DYM: variants seen among roughly 807,000 people sequenced by gnomAD.
The protein encoded by DYM is dymeclin.
A neutral mutation model predicts 93.1 loss-of-function variants in DYM; 78 were observed. The observed-to-expected ratio is 0.84, with a 90% CI of 0.70 to 1.01. The LOEUF is 1.01. Ranked by LOEUF, DYM falls within the 50% of genes least tolerant of loss-of-function variation. DYM has a pLI of 0.00. For missense variants in DYM, 789 were observed against 845.0 expected, an observed-to-expected ratio of 0.93 and a Z score of 0.82; for synonymous variants, 321 against 319.7, an observed-to-expected ratio of 1.00 and a Z score of -0.04.
intron 3 of DYM, among the ~76,000 whole-genome samples, chr18:49,388,143 A>T (rs1007057328): frequency 1.4e-4 from 22 of 152,038 alleles, no homozygotes; most frequent in Non-Finnish European, 2.8e-4. Context: ...AGTTCAACAT[A>T]ACATGGCAAG....
At chr18:49,432,099 G>A (rs1372519986) in intron 1 of DYM, among the ~76,000 whole-genome samples, 1 of 152,072 alleles carries the variant, frequency 6.6e-6, no homozygotes, top group Admixed American at 6.6e-5. Flanking sequence ...AAGGCCGGGC[G>A]CTGTGGCTCA....
At chr18:49,364,162 G>A (rs2066297863) in intron 5 of DYM, among the ~76,000 whole-genome samples, 1 of 152,012 alleles carries the variant, frequency 6.6e-6, no homozygotes, top group South Asian at 2.1e-4. Flanking sequence ...ACTCACTCCT[G>A]GGCTGGGTGT....
In DYM at chr18:49,333,796, G is replaced by T. The variant is rs374489890; in HGVS notation, c.552C>A (p.Ser184=). Residue 184 remains serine, a synonymous_variant, in exon 7 of 18, where the codon TCC becomes TCA. Coordinates refer to ENST00000675505, the MANE Select transcript of DYM (RefSeq NM_001353214.3). The stretch of plus-strand genomic sequence containing the variant: ...AAACTTCTTTGTGGAAGAGTTGGCA[G>T]GAAAGGAAAACAACCATTGTTGATA... ...EAISTMVVFL[S]CQLFHKEVLR... The T allele has an allele frequency of 2.2e-5, 36 of 1,613,606 alleles. No individual in the cohort carries two copies. The highest frequency in any genetic ancestry group is 3.3e-4 in the Middle Eastern group (2 of 6,078).
At chr18:49,076,943 A>G (rs1247733820) in intron 17 of DYM, among the ~76,000 whole-genome samples, 6 of 152,156 alleles carry the variant, frequency 3.9e-5, no homozygotes, top group Admixed American at 2.6e-4. Flanking sequence ...CGCTCTAACC[A>G]TAAATTAGCT....
rs191253951 is a variant in DYM, at chr18:49,100,604, C to T, written c.1912-3089G>A. Among the ~76,000 whole-genome samples, 16 of 152,228 alleles carry T rather than the reference C, an allele frequency of 1.1e-4. No homozygotes were observed. In the East Asian group the frequency reaches 2.9e-3, roughly 28 times the overall value. ...ATTCTCATGTTTTTGCATTCAAACT[C>T]ACATGATTTTAGAAAATGATAAAAC... On this transcript the variant is annotated intron_variant, in intron 16 of 17. Coordinates refer to ENST00000675505, the MANE Select transcript of DYM (RefSeq NM_001353214.3).
At chr18:49,420,660 C>T (rs956707765) in intron 2 of DYM, among the ~76,000 whole-genome samples, 2 of 152,086 alleles carry the variant, frequency 1.3e-5, no homozygotes, top group African/African-American at 2.4e-5. Flanking sequence ...TGGGGCTTGT[C>T]AGACAGTGGG....
intron 5 of DYM, among the ~76,000 whole-genome samples, chr18:49,370,860 TA>T (rs1177244019): frequency 2.0e-4 from 30 of 152,202 alleles, no homozygotes; most frequent in Non-Finnish European, 7.3e-5. Context: ...TTGGCTAAAA[TA>T]ACACTTTTTA....
chr18:49,307,548 G>A (rs181811221), intron 8 of DYM, among the ~76,000 whole-genome samples: 1 of 152,230 alleles, frequency 6.6e-6, no homozygotes, highest in Admixed American at 6.5e-5. Flanking sequence ...TGTGCATGTG[G>A]TCAGCTAAAA....
intron 9 of DYM, among the ~76,000 whole-genome samples, chr18:49,282,571 C>T (rs541948717): frequency 1.1e-3 from 172 of 152,288 alleles, no homozygotes; most frequent in African/African-American, 3.7e-3. Context: ...CGAGCTCACG[C>T]CACTGCACTT....
chr18:49,204,153 C>T (rs2092345383), intron 14 of DYM, among the ~76,000 whole-genome samples: 1 of 152,100 alleles, frequency 6.6e-6, no homozygotes, highest in South Asian at 2.1e-4. Flanking sequence ...ATATGAACCC[C>T]AAAAGGTCAG....
At chr18:49,244,446 A>G (rs2094118562) in intron 13 of DYM, among the ~76,000 whole-genome samples, 2 of 152,232 alleles carry the variant, frequency 1.3e-5, no homozygotes, top group Admixed American at 1.3e-4. Context: ...AAAGTGTTAT[A>G]TTAAACGACC....
rs1158982695 is a variant in DYM at position 49,268,888 on chromosome 18, CA to C, written c.1251+3289del. ...ACTTCTCATAGTATTTTACTGAAAA[CA>C]AGAACCAAGAAATTTCTATGTTCAC... On this transcript the variant is annotated intron_variant, in intron 11 of 17. Coordinates refer to ENST00000675505, the MANE Select transcript of DYM (RefSeq NM_001353214.3). Among the ~76,000 whole-genome samples, 4 of 152,012 alleles carry C rather than the reference CA, an allele frequency of 2.6e-5. No homozygotes were observed. In the East Asian group the frequency reaches 7.7e-4, roughly 29 times the overall value.
chr18:49,105,530 C>G (rs2080703124), intron 16 of DYM, among the ~76,000 whole-genome samples: 1 of 152,176 alleles, frequency 6.6e-6, no homozygotes, highest in Non-Finnish European at 1.5e-5. Context: ...GTCCTGCTTT[C>G]TCTTGTGGGC....
intron 13 of DYM, among the ~76,000 whole-genome samples, chr18:49,240,244 C>T (rs1217006453): frequency 6.6e-6 from 1 of 152,138 alleles, no homozygotes; most frequent in African/African-American, 2.4e-5. Context: ...CCTGAAAGGG[C>T]ATTAGAGTGC....
intron 8 of DYM, among the ~76,000 whole-genome samples, chr18:49,292,347 GACAGACAGACACACACAC>G (rs1260597884): frequency 1.5e-5 from 1 of 68,388 alleles, no homozygotes. Context: ...CAGACAGACA[GACAGACAGACACACACAC>G]ACACACACAC....
chr18:49,170,342 G>A (rs80115087), intron 14 of DYM, among the ~76,000 whole-genome samples: 2,738 of 152,262 alleles, frequency 0.018, 30 homozygotes, highest in Middle Eastern at 0.027. Context: ...ACAACAGGTG[G>A]AGATGGTCAG....
chr18:49,172,065 C>A (rs914545741), intron 14 of DYM, among the ~76,000 whole-genome samples: 1 of 152,202 alleles, frequency 6.6e-6, no homozygotes, highest in Non-Finnish European at 1.5e-5. Context: ...CAGGCAACCA[C>A]TGATCTGCTT....
chr18:49,416,245 A>G (rs1022504928), intron 2 of DYM, among the ~76,000 whole-genome samples: 2 of 152,220 alleles, frequency 1.3e-5, no homozygotes, highest in African/African-American at 4.8e-5. Flanking sequence ...TCTACATGGT[A>G]GGGGTTATTA....
chr18:49,311,853 T>C (rs540200205), intron 8 of DYM, among the ~76,000 whole-genome samples: 12 of 151,048 alleles, frequency 7.9e-5, no homozygotes, highest in Admixed American at 2.6e-4. Flanking sequence ...TATGCACATG[T>C]ACCCTAGAAC....
Sources: gnomAD v4.1 joint callset for allele counts (sites outside exome capture counted in the v4.1 genomes callset) on GRCh38, gnomAD v4.1.1 for gene constraint, MANE v1.5 for transcripts, NCBI Gene and HGNC (gene_info 2026-07-23, HGNC 2026-07-21) for gene names.